EHBP1: variants seen among roughly 807,000 people sequenced by gnomAD.
EHBP1 encodes EH domain binding protein 1.
EHBP1 carries 55 observed loss-of-function variants against 144.0 expected under a neutral mutation model. The ratio of observed to expected loss-of-function variants is 0.38; its 90% CI spans 0.31 to 0.48. The LOEUF is 0.48. Ranked by LOEUF, EHBP1 falls within the 20% of genes least tolerant of loss-of-function variation. The pLI is 0.98. For synonymous variants in EHBP1, 469 were observed against 472.7 expected (o/e 0.99, Z 0.10); for missense variants, 1,200 against 1,364.2 (o/e 0.88, Z 1.90).
In EHBP1 at chr2:63,045,233, GAAGTGTGCGGA is replaced by G. The variant is rs371018158; in HGVS notation, c.3392+58_3392+68del. 650 of 1,506,314 alleles carry G rather than the reference GAAGTGTGCGGA, an allele frequency of 4.3e-4. 3 individuals are homozygous for G. The East Asian group carries it at 0.011, about 25-fold the overall frequency. The allele number at this position is 1,506,314 out of a possible 1,614,324, so 93.3% of individuals were successfully genotyped here. A position where few individuals can be genotyped will look rare whatever the true frequency, so the allele number is the denominator to read the frequency against. On this transcript the variant is annotated intron_variant, in intron 22 of 22. Coordinates refer to ENST00000431489, the MANE Select transcript of EHBP1 (RefSeq NM_001142616.3). The surrounding 1 kb of genome is among the most constrained non-coding windows in gnomAD (Gnocchi z 5.7). ...GCTGGGCCACCTGCCGAGGGGCCGAGAAGTGTGCGGAAAGTTCAATCCAGAGGTCGCGGGAG... is the reference window on the plus strand; with the variant it reads ...GCTGGGCCACCTGCCGAGGGGCCGAGAAGTTCAATCCAGAGGTCGCGGGAG...
chr2:62,674,443 C>T (rs928217128), intron 1 of EHBP1, among the ~76,000 whole-genome samples: 12 of 152,104 alleles, frequency 7.9e-5, no homozygotes, highest in Non-Finnish European at 4.4e-5. Flanking sequence ...AGTGCTGTAT[C>T]GAGTTGGTTG....
At chr2:63,003,198 A>G (rs1047282542) in intron 19 of EHBP1, among the ~76,000 whole-genome samples, 1 of 152,060 alleles carries the variant, frequency 6.6e-6, no homozygotes, top group African/African-American at 2.4e-5. Context: ...ATAAGTATTA[A>G]TTAAATAACA....
rs376938144 is a variant in EHBP1 at position 62,716,918 on chromosome 2, G to C, written c.104+9623G>C. Among the ~76,000 whole-genome samples, 12 of 152,166 alleles carry C rather than the reference G, an allele frequency of 7.9e-5. No individual in the cohort carries two copies. The East Asian group carries it at 1.5e-3, about 20-fold the overall frequency. On this transcript the variant is annotated intron_variant, in intron 2 of 22. Coordinates refer to ENST00000431489, the MANE Select transcript of EHBP1 (RefSeq NM_001142616.3). ...AATTTATGATGTTTCTCTACGTGAT[G>C]ACTGTTCATTTCTTTTTTCATTATC...
chr2:62,793,638 G>T (rs1255006639), intron 5 of EHBP1, among the ~76,000 whole-genome samples: 1 of 152,040 alleles, frequency 6.6e-6, no homozygotes, highest in African/African-American at 2.4e-5. Context: ...TAATTTGGTG[G>T]AATGGTCTTA....
intron 5 of EHBP1, among the ~76,000 whole-genome samples, chr2:62,775,271 G>T (rs1472509572): frequency 6.6e-6 from 1 of 152,162 alleles, no homozygotes; most frequent in Non-Finnish European, 1.5e-5. Flanking sequence ...AGTGGTGAAT[G>T]ATGAAATTGA....
intron 19 of EHBP1, among the ~76,000 whole-genome samples, chr2:63,022,732 T>A (rs1193599482): frequency 6.6e-6 from 1 of 152,244 alleles, no homozygotes; most frequent in East Asian, 1.9e-4. Context: ...ACTGAACTTA[T>A]ATAGTCATTG....
chr2:62,907,036 C>A (rs1443909798), intron 10 of EHBP1, among the ~76,000 whole-genome samples: 1 of 152,202 alleles, frequency 6.6e-6, no homozygotes, highest in Non-Finnish European at 1.5e-5. Flanking sequence ...TTTAACCACT[C>A]ACCTGTTGAA....
Position 63,045,369 on chromosome 2 carries a change from A to G in EHBP1, c.3393-41A>G, listed in dbSNP as rs779018827. On this transcript the variant is annotated intron_variant, in intron 22 of 22. Transcript: ENST00000431489. The surrounding 1 kb of genome is among the most constrained non-coding windows in gnomAD (Gnocchi z 5.7). ...GCTGCTCTGCCCTCCACGAAGAAAA[A>G]TAATTTTGTTTCCTGTTTGTCCTGT... 1.3e-6 allele frequency: 2 copies of G among 1,592,038 alleles called. No individual in the cohort carries two copies. Among genetic ancestry groups the G allele is most frequent in the East Asian group, 2.2e-5 (1 of 44,756 alleles).
At chr2:63,010,315 C>T (rs915283042) in intron 19 of EHBP1, among the ~76,000 whole-genome samples, 2 of 151,406 alleles carry the variant, frequency 1.3e-5, no homozygotes, top group African/African-American at 4.8e-5. Flanking sequence ...ACTCACATTC[C>T]AGCCTCATTC....
chr2:62,973,967 C>T (rs573659833), intron 14 of EHBP1, among the ~76,000 whole-genome samples: 7 of 152,194 alleles, frequency 4.6e-5, no homozygotes, highest in Admixed American at 3.9e-4. Flanking sequence ...TATGATTGCA[C>T]CATTGCACTC....
chr2:62,752,515 T>G (rs1243536495), intron 3 of EHBP1, among the ~76,000 whole-genome samples: 1 of 152,160 alleles, frequency 6.6e-6, no homozygotes, highest in Non-Finnish European at 1.5e-5. Context: ...CAGAGCTGAG[T>G]TCAGTTCCTG....
intron 19 of EHBP1, 21 bp from the exon 20 acceptor site, chr2:63,037,514 G>GT: frequency 6.5e-7 from 1 of 1,545,424 alleles, no homozygotes; most frequent in Non-Finnish European, 8.9e-7. Context: ...ATAGTAAAAG[G>GT]TAACTCTTCC....
chr2:62,956,356 T>C (rs2057694932), intron 14 of EHBP1, among the ~76,000 whole-genome samples: 2 of 152,152 alleles, frequency 1.3e-5, no homozygotes, highest in South Asian at 4.1e-4. Flanking sequence ...CACAGCACCA[T>C]CATGTGTTAG....
intron 14 of EHBP1, among the ~76,000 whole-genome samples, chr2:62,960,264 C>T (rs1383664046): frequency 6.6e-6 from 1 of 152,066 alleles, no homozygotes; most frequent in African/African-American, 2.4e-5. Context: ...AGCCTCATTT[C>T]TTACCTCTCT....
chr2:62,895,365 A>G (rs193299778), intron 10 of EHBP1, among the ~76,000 whole-genome samples: 100 of 152,272 alleles, frequency 6.6e-4, no homozygotes, highest in African/African-American at 2.2e-3. Context: ...CCCTCCTATA[A>G]TAATGCATAG....
At chr2:63,024,691 A>G (rs2060900202) in intron 19 of EHBP1, among the ~76,000 whole-genome samples, 1 of 152,180 alleles carries the variant, frequency 6.6e-6, no homozygotes, top group African/African-American at 2.4e-5. Flanking sequence ...TTTTGAATCA[A>G]AGTTATACTG....
rs1306941961 is a variant in EHBP1 at position 62,683,283 on chromosome 2, A to G, written c.-296+9200A>G. Among the ~76,000 whole-genome samples the G allele has an allele frequency of 3.3e-5, 5 of 152,116 alleles. 1 individual carries two copies. Among genetic ancestry groups the G allele is most frequent in the South Asian group, 2.1e-4 (1 of 4,822 alleles). ...ACAGAGACAATACTCTTGCCCAGCA[A>G]TTTTATCACAAGTTCCTAAGTTGAA... is the stretch of plus-strand genomic sequence containing the variant. On this transcript the variant is annotated intron_variant, in intron 1 of 22. Coordinates refer to the EHBP1 transcript ENST00000405015.
intron 9 of EHBP1, 101 bp from the exon 10 acceptor site, chr2:62,874,245 T>G: frequency 1.1e-6 from 1 of 910,882 alleles, no homozygotes; most frequent in Non-Finnish European, 1.6e-6. Flanking sequence ...TGGGTTTTAT[T>G]TGAAAAAAGA....
intron 10 of EHBP1, among the ~76,000 whole-genome samples, chr2:62,895,066 G>C (rs957434539): frequency 6.6e-6 from 1 of 152,138 alleles, no homozygotes; most frequent in African/African-American, 2.4e-5. Context: ...GCTACATTTG[G>C]TATCATTCTA....
Sources: gnomAD v4.1 joint callset for allele counts (sites outside exome capture counted in the v4.1 genomes callset) on GRCh38, gnomAD v4.1.1 for gene constraint, Gnocchi (gnomAD v3.1) non-coding constraint, MANE v1.5 for transcripts, NCBI Gene and HGNC (gene_info 2026-07-23, HGNC 2026-07-21) for gene names.